Variants in ZNF2 observed in about 807,000 individuals in gnomAD.
ZNF2 encodes the protein zinc finger protein 2.
ZNF2 carries 12 observed loss-of-function variants against 21.9 expected under a neutral mutation model. That is an observed-to-expected ratio of 0.55 (90% CI 0.35 to 0.89). The LOEUF (loss-of-function observed/expected upper bound fraction) is 0.89, where lower values mean the gene tolerates loss of function less well. Among genes scored for constraint, ZNF2 ranks in the 40% least tolerant of loss-of-function variants. The probability of loss-of-function intolerance (pLI) is 0.01; values close to 1 mark genes in which losing one functional copy is unlikely to be tolerated. For synonymous variants in ZNF2, 186 were observed against 196.3 expected, an observed-to-expected ratio of 0.95 and a Z score of 0.44; for missense variants, 462 against 544.2, an observed-to-expected ratio of 0.85 and a Z score of 1.50.
At chr2:95,175,673 C>T (rs1674416477) in intron 1 of ZNF2, among the ~76,000 whole-genome samples, 1 of 152,170 alleles carries the variant, frequency 6.6e-6, no homozygotes, top group South Asian at 2.1e-4. Context: ...GTGCATTACC[C>T]ACCTGTGGCC....
chr2:95,168,340 G>A (rs371576785), intron 1 of ZNF2, among the ~76,000 whole-genome samples: 1 of 151,574 alleles, frequency 6.6e-6, no homozygotes, highest in South Asian at 2.1e-4. Flanking sequence ...CAGGAGAATC[G>A]CTTGAACCTG....
chr2:95,173,866 G>A (rs1198282490), intron 1 of ZNF2, among the ~76,000 whole-genome samples: 2 of 152,100 alleles, frequency 1.3e-5, no homozygotes, highest in Non-Finnish European at 2.9e-5. Context: ...ACGCCACCAC[G>A]CCCAGCTAAT....
intron 3 of ZNF2, among the ~76,000 whole-genome samples, chr2:95,179,000 T>G (rs1674546017): frequency 1.3e-5 from 2 of 151,206 alleles, no homozygotes; most frequent in Non-Finnish European, 3.0e-5. Flanking sequence ...TTTGTTTTTT[T>G]TTTTTTTTTG....
intron 3 of ZNF2, among the ~76,000 whole-genome samples, chr2:95,177,988 C>T (rs559911064): frequency 2.1e-4 from 32 of 152,258 alleles, no homozygotes; most frequent in Admixed American, 5.9e-4. Flanking sequence ...TCTCCCAGTT[C>T]GCCAGTTAGG....
At position 95,177,521 on chromosome 2, in the gene ZNF2, A is replaced by C. The variant is rs1240145777; in HGVS notation, c.72A>C (p.Thr24=). The stretch of plus-strand genomic sequence containing the variant: ...TCGAAGACGTTGCCGTGGTTTTCAC[A>C]GATGAAGAGTGGAGTCGTCTGGTCC... ...VTFEDVAVVF[T]DEEWSRLVPI... is the part of the protein sequence containing the mutation. Residue 24 remains threonine (T), a synonymous_variant, in exon 3 of 5, where the codon ACA becomes ACC. Coordinates refer to ENST00000614034, the MANE Select transcript of ZNF2 (RefSeq NM_021088.4). 2.5e-6 allele frequency: 4 copies of C among 1,614,068 alleles called. No homozygotes were observed. The African/African-American group carries it at 4.0e-5, about 16-fold the overall frequency.
rs577563326 is a variant in ZNF2 at position 95,174,745 on chromosome 2, AT to A, written c.-39-1441del. 3.3e-5 allele frequency among the ~76,000 whole-genome samples: 5 copies of A among 152,200 alleles called. No individual in the cohort carries two copies. In the East Asian group the frequency reaches 9.7e-4, roughly 29 times the overall value. ...CTCTTAATGCATCCTGGAGTGAAAT[AT>A]TATCTCATTTACTTGTTTGTTCTCT... is the stretch of plus-strand genomic sequence containing the variant. On this transcript the variant is annotated intron_variant, in intron 1 of 4. Coordinates refer to ENST00000614034, the MANE Select transcript of ZNF2 (RefSeq NM_021088.4).
chr2:95,168,221 T>C (rs1237146213), intron 1 of ZNF2, among the ~76,000 whole-genome samples: 1 of 151,570 alleles, frequency 6.6e-6, no homozygotes, highest in Non-Finnish European at 1.5e-5. Flanking sequence ...GGTCAAGAGA[T>C]TGAAACCATC....
chr2:95,167,300 C>G (rs1279100402), intron 1 of ZNF2, among the ~76,000 whole-genome samples: 1 of 151,774 alleles, frequency 6.6e-6, no homozygotes, highest in Non-Finnish European at 1.5e-5. Context: ...GTCAGGAGAT[C>G]GAGACCATCC....
At chr2:95,175,480 C>T (rs1216124633) in intron 1 of ZNF2, among the ~76,000 whole-genome samples, 1 of 152,196 alleles carries the variant, frequency 6.6e-6, no homozygotes, top group Non-Finnish European at 1.5e-5. Flanking sequence ...TTGTACCTCC[C>T]ATGTGCCCAT....
At chr2:95,179,611 C>T (rs1333964705) in intron 3 of ZNF2, among the ~76,000 whole-genome samples, 5 of 152,212 alleles carry the variant, frequency 3.3e-5, no homozygotes, top group South Asian at 2.1e-4. Flanking sequence ...AGAATAAACA[C>T]GTGAATCTAC....
rs1438427064 is a variant in ZNF2 at position 95,181,965 on chromosome 2, C to T, written c.1137C>T (p.Ser379=). The change falls in exon 5 of 5, where the codon AGC becomes AGT. Residue 379 remains serine (S), a synonymous_variant. Transcript: ENST00000614034. The part of the protein sequence containing the change: ...YECSECGKAF[S]QRCRLTRHQR... ...GCAGCGAATGCGGGAAAGCCTTTAGCCAGCGGTGCCGGCTCACGCGGCATC... is the reference window on the plus strand; with the variant it reads ...GCAGCGAATGCGGGAAAGCCTTTAGTCAGCGGTGCCGGCTCACGCGGCATC... The T allele has an allele frequency of 1.9e-6, 3 of 1,614,284 alleles. No individual in the cohort carries two copies.
chr2:95,166,392 A>G (rs1674041860), intron 1 of ZNF2, among the ~76,000 whole-genome samples: 1 of 152,076 alleles, frequency 6.6e-6, no homozygotes, highest in Non-Finnish European at 1.5e-5. Flanking sequence ...TTTTACAGAA[A>G]TGCAGGAACA....
In ZNF2 at chr2:95,181,118, C is replaced by T. The variant is rs1674624322; in HGVS notation, c.290C>T (p.Pro97Leu). 1 of 1,613,536 alleles carries T rather than the reference C, an allele frequency of 6.2e-7. No homozygotes were observed. Among genetic ancestry groups the T allele is most frequent in the Non-Finnish European group, 8.5e-7 (1 of 1,179,780 alleles). Residue 97 changes from proline to leucine, a missense_variant, in exon 5 of 5, where the codon CCT becomes CTT. Pro to Leu is a moderately conservative substitution (Grantham distance 98, BLOSUM62 -3). Transcript: ENST00000614034. ...ESVSLDWETKPEIHDASDKKS... is the reference protein window; with the variant it reads ...ESVSLDWETKLEIHDASDKKS... ...TTTGTTCCAGACTGGGAAACTAAGC[C>T]TGAGATTCACGATGCTTCAGACAAA...
intron 1 of ZNF2, among the ~76,000 whole-genome samples, chr2:95,171,643 A>C (rs1198070850): frequency 6.6e-6 from 1 of 152,102 alleles, no homozygotes; most frequent in Non-Finnish European, 1.5e-5. Context: ...GGCCTCCCAA[A>C]GTGCTGAGAT....
intron 1 of ZNF2, 97 bp from the exon 2 acceptor site, chr2:95,176,091 A>C (rs1674430712): frequency 1.0e-5 from 11 of 1,078,450 alleles, no homozygotes; most frequent in Non-Finnish European, 1.3e-5. Context: ...TGAGGATGAC[A>C]TATCCCCCTG....
rs1230682588 is a variant in ZNF2, at chr2:95,182,001, C to T, written c.1173C>T (p.His391=). ...RCRLTRHQRV[H]TGEKPFECTV... The stretch of plus-strand genomic sequence containing the variant: ...GGCTCACGCGGCATCAGCGTGTCCA[C>T]ACGGGAGAGAAGCCCTTTGAATGCA... Residue 391 remains histidine, a synonymous_variant, in exon 5 of 5, where the codon CAC becomes CAT. Coordinates refer to ENST00000614034, the MANE Select transcript of ZNF2 (RefSeq NM_021088.4). 3 of 1,614,286 alleles carry T rather than the reference C, an allele frequency of 1.9e-6. No individual in the cohort carries two copies. The highest frequency in any genetic ancestry group is 1.1e-5 in the South Asian group (1 of 91,090).
chr2:95,181,502 G>C lies in ZNF2; in HGVS notation c.674G>C (p.Gly225Ala), dbSNP rs1272287270. 2 of 1,614,166 alleles carry C rather than the reference G, an allele frequency of 1.2e-6. No individual in the cohort carries two copies. Among genetic ancestry groups the C allele is most frequent in the Non-Finnish European group, 1.7e-6 (2 of 1,180,028 alleles). Residue 225 changes from glycine (G) to alanine (A), a missense_variant, in exon 5 of 5, where the codon GGG (glycine) becomes GCG (alanine). Coordinates refer to ENST00000614034, the MANE Select transcript of ZNF2 (RefSeq NM_021088.4). ...AGCAGACATCTGATGTCACACACTG[G>C]GGAGAGCCCCTACGAGTGCAGTGTG... ...SLSRHLMSHT[G>A]ESPYECSVCS...
At position 95,180,276 on chromosome 2, in the gene ZNF2, A is replaced by G; in HGVS notation, c.274+4A>G. 3 of 1,594,488 alleles carry G rather than the reference A, an allele frequency of 1.9e-6. No homozygotes were observed. Among genetic ancestry groups the G allele is most frequent in the South Asian group, 1.1e-5 (1 of 90,322 alleles). On this transcript the variant is annotated splice_donor_region_variant and intron_variant, in intron 4 of 4. Transcript: ENST00000614034. The stretch of plus-strand genomic sequence containing the variant: ...TGGCCAGAGAGTGTCTCTCTAGGTA[A>G]CTGAGTGTGAACAAGACAGAATGGA...
At chr2:95,176,165 A>G in intron 1 of ZNF2, 23 bp from the exon 2 acceptor site, 8 of 1,604,150 alleles carry the variant, frequency 5.0e-6, no homozygotes, top group African/African-American at 1.3e-5. Flanking sequence ...CTTCTTTCTC[A>G]CCCCCCACTT....
Sources: allele counts gnomAD v4.1 joint callset (sites outside exome capture counted in the v4.1 genomes callset), GRCh38; gene constraint gnomAD v4.1.1; transcripts MANE v1.5; gene names NCBI Gene and HGNC (gene_info 2026-07-23, HGNC 2026-07-21).